Variants in CPQ observed in about 807,000 individuals in gnomAD.
CPQ encodes the protein Ser-Met dipeptidase.
A neutral mutation model predicts 45.7 loss-of-function variants in CPQ; 37 were observed. That is an observed-to-expected ratio of 0.81 (90% confidence interval 0.62 to 1.07). The LOEUF (loss-of-function observed/expected upper bound fraction) is 1.07, where lower values mean the gene tolerates loss of function less well. CPQ is among the 50% of genes least tolerant of loss of function. The probability of loss-of-function intolerance (pLI) is 0.00; values close to 1 mark genes in which losing one functional copy is unlikely to be tolerated. For synonymous variants in CPQ, 186 were observed against 205.8 expected (o/e 0.90, Z 0.82); for missense variants, 537 against 572.9 (o/e 0.94, Z 0.64).
At chr8:96,928,161 CTATCG>C (rs772894873) in intron 4 of CPQ, among the ~76,000 whole-genome samples, 1 of 152,100 alleles carries the variant, frequency 6.6e-6, no homozygotes, top group Non-Finnish European at 1.5e-5. Flanking sequence ...GAAGCATTTT[CTATCG>C]TAAGACAGAA....
intron 1 of CPQ, among the ~76,000 whole-genome samples, chr8:96,764,327 T>G (rs1810441150): frequency 6.6e-6 from 1 of 152,066 alleles, no homozygotes; most frequent in South Asian, 2.1e-4. Context: ...ACATGCAAAC[T>G]AATGTACAAT....
chr8:97,074,752 C>G (rs760492965), intron 7 of CPQ, among the ~76,000 whole-genome samples: 4 of 151,884 alleles, frequency 2.6e-5, no homozygotes, highest in Non-Finnish European at 5.9e-5. Flanking sequence ...GCCTGGGTGA[C>G]AAGAGTGAGA....
chr8:96,966,588 G>A (rs1159386910), intron 5 of CPQ, among the ~76,000 whole-genome samples: 1 of 152,142 alleles, frequency 6.6e-6, no homozygotes, highest in Non-Finnish European at 1.5e-5. Flanking sequence ...CCCACTAGAA[G>A]CCAGTAGCAC....
intron 1 of CPQ, among the ~76,000 whole-genome samples, chr8:96,651,770 T>G (rs1193290974): frequency 1.3e-5 from 2 of 152,126 alleles, no homozygotes; most frequent in Non-Finnish European, 2.9e-5. Context: ...TTGGGATATA[T>G]ATGGGGTATA....
At chr8:97,028,593 A>G (rs1261838212) in intron 5 of CPQ, among the ~76,000 whole-genome samples, 1 of 152,190 alleles carries the variant, frequency 6.6e-6, no homozygotes. Context: ...ACAAAGTAGC[A>G]CTTTTGGCAT....
intron 6 of CPQ, among the ~76,000 whole-genome samples, chr8:97,034,151 T>C (rs1809957876): frequency 6.6e-6 from 1 of 152,196 alleles, no homozygotes; most frequent in African/African-American, 2.4e-5. Context: ...TATGCAACTT[T>C]ATTATAATGT....
At chr8:97,137,700 C>T (rs1209171259) in intron 7 of CPQ, among the ~76,000 whole-genome samples, 2 of 152,142 alleles carry the variant, frequency 1.3e-5, no homozygotes, top group East Asian at 1.9e-4. Flanking sequence ...GAGGCCGAGG[C>T]GGGCGGATCA....
intron 4 of CPQ, among the ~76,000 whole-genome samples, chr8:96,957,817 A>G (rs1813380445): frequency 6.6e-6 from 1 of 151,590 alleles, no homozygotes; most frequent in Non-Finnish European, 1.5e-5. Flanking sequence ...AAAAAAAAAA[A>G]AGTCTGTAGG....
chr8:97,060,623 G>A (rs1254053307), intron 6 of CPQ, among the ~76,000 whole-genome samples: 1 of 152,124 alleles, frequency 6.6e-6, no homozygotes, highest in African/African-American at 2.4e-5. Context: ...GCCTCAGCTT[G>A]TCTCAATCAG....
chr8:96,769,653 A>G (rs1810514947), intron 1 of CPQ, among the ~76,000 whole-genome samples: 1 of 126,926 alleles, frequency 7.9e-6, no homozygotes, highest in Admixed American at 8.8e-5. Context: ...TTTTTTTGAG[A>G]CAGGGTCTGG....
At chr8:96,918,167 C>T (rs552944817) in intron 4 of CPQ, among the ~76,000 whole-genome samples, 47 of 152,220 alleles carry the variant, frequency 3.1e-4, no homozygotes, top group Admixed American at 5.9e-4. Context: ...TCCTTGTGCA[C>T]CTTTACCTGT....
intron 3 of CPQ, 134 bp downstream of exon 3, chr8:96,835,314 C>A: frequency 1.7e-6 from 1 of 602,270 alleles, no homozygotes; most frequent in Non-Finnish European, 2.6e-6. Context: ...CAAACACACA[C>A]ACCCATTCCA....
chr8:96,673,323 T>C (rs1470782255), intron 1 of CPQ, among the ~76,000 whole-genome samples: 2 of 152,126 alleles, frequency 1.3e-5, no homozygotes, highest in African/African-American at 2.4e-5. Context: ...AGGTTTCCCA[T>C]TGGTTACTTG....
At chr8:96,815,359 A>G (rs1811214501) in intron 2 of CPQ, among the ~76,000 whole-genome samples, 1 of 152,230 alleles carries the variant, frequency 6.6e-6, no homozygotes, top group African/African-American at 2.4e-5. Flanking sequence ...TTTCATCCAA[A>G]CAACATTGCT....
intron 1 of CPQ, among the ~76,000 whole-genome samples, chr8:96,760,501 A>C (rs1242072639): frequency 1.3e-5 from 2 of 152,122 alleles, no homozygotes; most frequent in African/African-American, 2.4e-5. Flanking sequence ...GTGATGTTTT[A>C]AGGGCTAATG....
chr8:96,833,365 G>A (rs1268712442), intron 2 of CPQ, among the ~76,000 whole-genome samples: 4 of 152,094 alleles, frequency 2.6e-5, no homozygotes, highest in African/African-American at 7.2e-5. Flanking sequence ...TACCACCCTC[G>A]TGTGACTTTA....
chr8:97,101,061 C>T (rs774099092), intron 7 of CPQ, among the ~76,000 whole-genome samples: 4 of 152,080 alleles, frequency 2.6e-5, no homozygotes, highest in Non-Finnish European at 4.4e-5. Flanking sequence ...TACTCAACCA[C>T]GTTTGTATTG....
At chr8:97,117,511 T>C (rs1447841346) in intron 7 of CPQ, among the ~76,000 whole-genome samples, 2 of 152,102 alleles carry the variant, frequency 1.3e-5, no homozygotes, top group African/African-American at 4.8e-5. Flanking sequence ...TGACAATTTC[T>C]TTATTATTAT....
At chr8:97,088,013 A>G (rs537282215) in intron 7 of CPQ, among the ~76,000 whole-genome samples, 1 of 152,304 alleles carries the variant, frequency 6.6e-6, no homozygotes, top group African/African-American at 2.4e-5. Context: ...TTCAATTATT[A>G]TATCCAAAGA....
Sources: allele counts gnomAD v4.1 joint callset (sites outside exome capture counted in the v4.1 genomes callset), GRCh38; gene constraint gnomAD v4.1.1; transcripts MANE v1.5; gene names NCBI Gene and HGNC (gene_info 2026-07-23, HGNC 2026-07-21).